The following VPS54 variants were observed in gnomAD, a reference collection of about 807,000 sequenced individuals.
VPS54 encodes vacuolar protein sorting-associated protein 54.
VPS54 carries 45 observed loss-of-function variants against 121.5 expected under a neutral mutation model. The ratio of observed to expected loss-of-function variants is 0.37; its 90% CI spans 0.29 to 0.47. The LOEUF is 0.47. VPS54 is among the 20% of genes least tolerant of loss of function. The pLI, the probability that VPS54 is intolerant of heterozygous loss-of-function variation, is 0.99. For synonymous variants in VPS54, 371 were observed against 385.8 expected (o/e 0.96, Z 0.45); for missense variants, 1,090 against 1,131.4 (o/e 0.96, Z 0.52).
At chr2:63,924,125 G>A (rs910931896) in intron 12 of VPS54, among the ~76,000 whole-genome samples, 6 of 152,198 alleles carry the variant, frequency 3.9e-5, no homozygotes, top group African/African-American at 1.4e-4. Flanking sequence ...GGAGGTAGGA[G>A]GGGAAGGATA....
intron 1 of VPS54, among the ~76,000 whole-genome samples, chr2:64,017,757 A>G (rs185053212): frequency 1.6e-4 from 24 of 152,376 alleles, no homozygotes; most frequent in African/African-American, 5.8e-4. Flanking sequence ...TTATCAGAAC[A>G]TAATTTAAAA....
chr2:63,940,837 T>C (rs1674691240), intron 11 of VPS54, among the ~76,000 whole-genome samples: 1 of 152,162 alleles, frequency 6.6e-6, no homozygotes. Flanking sequence ...ATGGTCAGAA[T>C]ATAAGAAGTG....
chr2:63,957,657 C>A (rs998647267), intron 7 of VPS54, among the ~76,000 whole-genome samples: 3 of 152,028 alleles, frequency 2.0e-5, no homozygotes, highest in Non-Finnish European at 2.9e-5. Flanking sequence ...ATACATCATA[C>A]CCCCAAATCC....
intron 12 of VPS54, among the ~76,000 whole-genome samples, chr2:63,921,678 C>G (rs773726172): frequency 1.1e-4 from 17 of 151,958 alleles, no homozygotes; most frequent in Non-Finnish European, 2.2e-4. Context: ...CAGAGTCTTG[C>G]TACAATGCCC....
chr2:63,948,581 C>T (rs1180899875), intron 8 of VPS54, among the ~76,000 whole-genome samples: 1 of 151,076 alleles, frequency 6.6e-6, no homozygotes, highest in Admixed American at 6.6e-5. Context: ...TTTTATTTTT[C>T]GTAGAGATGG....
intron 4 of VPS54, among the ~76,000 whole-genome samples, chr2:63,971,483 A>T (rs1450677367): frequency 6.6e-6 from 1 of 152,228 alleles, no homozygotes. Context: ...CAGTAGAACC[A>T]ATATATTAAA....
intron 4 of VPS54, among the ~76,000 whole-genome samples, chr2:63,971,562 T>G (rs1279158560): frequency 6.6e-6 from 1 of 152,208 alleles, no homozygotes; most frequent in Non-Finnish European, 1.5e-5. Flanking sequence ...TTCCCTTTTC[T>G]TGGAATGTCT....
intron 5 of VPS54, among the ~76,000 whole-genome samples, chr2:63,967,591 C>T (rs1020759861): frequency 4.6e-5 from 7 of 151,574 alleles, no homozygotes; most frequent in African/African-American, 1.5e-4. Flanking sequence ...TGGTAGCAGG[C>T]GCCTGTAATC....
chr2:64,005,101 T>C (rs1469582290), intron 1 of VPS54, among the ~76,000 whole-genome samples: 24 of 98,618 alleles, frequency 2.4e-4, no homozygotes, highest in African/African-American at 9.5e-4. Flanking sequence ...TTTTTTTTTT[T>C]TTTTTTTTTT....
chr2:63,971,083 T>C (rs1157845313), intron 4 of VPS54, among the ~76,000 whole-genome samples: 1 of 152,120 alleles, frequency 6.6e-6, no homozygotes, highest in African/African-American at 2.4e-5. Flanking sequence ...CACCCAGTTG[T>C]CCAAGCAAGA....
intron 12 of VPS54, among the ~76,000 whole-genome samples, chr2:63,922,066 A>G (rs1673671987): frequency 6.6e-6 from 1 of 152,226 alleles, no homozygotes; most frequent in Non-Finnish European, 1.5e-5. Flanking sequence ...AACTGAACTA[A>G]TATTTACTAA....
intron 11 of VPS54, among the ~76,000 whole-genome samples, chr2:63,938,050 G>GGT (rs113283102): frequency 1.1e-4 from 15 of 134,196 alleles, no homozygotes; most frequent in East Asian, 4.0e-4. Flanking sequence ...GTGTGTGTGT[G>GGT]GTGTGTGTGG....
At chr2:63,940,119 T>C (rs1191964921) in intron 11 of VPS54, among the ~76,000 whole-genome samples, 1 of 152,192 alleles carries the variant, frequency 6.6e-6, no homozygotes, top group Non-Finnish European at 1.5e-5. Context: ...TTAAAAATCC[T>C]TGGCTGTATA....
intron 9 of VPS54, 67 bp from the exon 10 acceptor site, chr2:63,944,722 T>A: frequency 2.9e-6 from 4 of 1,399,476 alleles, no homozygotes; most frequent in Non-Finnish European, 3.9e-6. Flanking sequence ...GTATTCCATG[T>A]TCCATTTGTA....
intron 5 of VPS54, among the ~76,000 whole-genome samples, chr2:63,966,477 A>C (rs1214236291): frequency 6.6e-6 from 1 of 152,192 alleles, no homozygotes; most frequent in Non-Finnish European, 1.5e-5. Flanking sequence ...ACGACCAGCT[A>C]AGCAATAAGG....
chr2:63,999,943 C>G (rs1001612289), intron 1 of VPS54, among the ~76,000 whole-genome samples: 2 of 152,098 alleles, frequency 1.3e-5, no homozygotes, highest in Non-Finnish European at 2.9e-5. Context: ...TCACTGCAAC[C>G]TCTGCCTCCC....
At chr2:63,914,772 G>GA (rs770791968) in intron 16 of VPS54, among the ~76,000 whole-genome samples, 3,334 of 144,524 alleles carry the variant, frequency 0.023, 41 homozygotes, top group Non-Finnish European at 0.023. Context: ...TAGTGAGATG[G>GA]AAAAAAAAAA....
rs144961002 is a variant in VPS54, at chr2:63,929,031, G to C, written c.1739+4642C>G. ...CAGATTCATAAAGCAAGTCCTTAGAGACCTACAAAGAGACTTACACTCCCA... is the reference window on the plus strand; with the variant it reads ...CAGATTCATAAAGCAAGTCCTTAGACACCTACAAAGAGACTTACACTCCCA... On this transcript the variant is annotated intron_variant, in intron 12 of 22. Transcript: ENST00000272322. Among the ~76,000 whole-genome samples the C allele has an allele frequency of 7.2e-3, 1,088 of 152,154 alleles. 6 individuals carry two copies. The highest frequency in any genetic ancestry group is 0.019 in the South Asian group (93 of 4,816).
At chr2:63,925,467 G>C (rs574989523) in intron 12 of VPS54, among the ~76,000 whole-genome samples, 4 of 152,198 alleles carry the variant, frequency 2.6e-5, no homozygotes, top group Non-Finnish European at 5.9e-5. Context: ...GAAATTGTTA[G>C]GCATTAGCTA....
Sources: allele counts gnomAD v4.1 joint callset (sites outside exome capture counted in the v4.1 genomes callset), GRCh38; gene constraint gnomAD v4.1.1; transcripts MANE v1.5; gene names NCBI Gene and HGNC (gene_info 2026-07-23, HGNC 2026-07-21).